The following SHISAL1 variants were observed in gnomAD, a reference collection of about 807,000 sequenced individuals.
The protein encoded by SHISAL1 is protein shisa-like-1.
SHISAL1 carries 9 observed loss-of-function variants against 22.6 expected under a neutral mutation model. That is an observed-to-expected ratio of 0.40 (90% CI 0.24 to 0.70). The LOEUF is 0.70. Among genes scored for constraint, SHISAL1 ranks in the 30% least tolerant of loss-of-function variants. The probability of loss-of-function intolerance (pLI) is 0.39; values close to 1 mark genes in which losing one functional copy is unlikely to be tolerated. For synonymous variants in SHISAL1, 119 were observed against 115.4 expected, an observed-to-expected ratio of 1.03 and a Z score of -0.20; for missense variants, 246 against 270.6, an observed-to-expected ratio of 0.91 and a Z score of 0.64.
intron 1 of SHISAL1, among the ~76,000 whole-genome samples, 150 bp downstream of exon 1, chr22:44,312,598 ATTC>A (rs1022007366): frequency 1.3e-5 from 2 of 151,576 alleles, no homozygotes; most frequent in Non-Finnish European, 2.9e-5. Flanking sequence ...GGCCCCTCCC[ATTC>A]TTCTGTGACT....
chr22:44,307,883 G>A (rs2055490533), intron 1 of SHISAL1, among the ~76,000 whole-genome samples: 1 of 152,186 alleles, frequency 6.6e-6, no homozygotes, highest in Admixed American at 6.5e-5. Flanking sequence ...TGGCCTGCGG[G>A]GAGGGGCTGA....
At chr22:44,301,163 C>T (rs2055426325) in intron 1 of SHISAL1, among the ~76,000 whole-genome samples, 186 bp from the exon 2 acceptor site, 1 of 152,216 alleles carries the variant, frequency 6.6e-6, no homozygotes, top group Non-Finnish European at 1.5e-5. Flanking sequence ...TGACCTTCCC[C>T]CACAAGCCAA....
At chr22:44,326,257 T>G in the SHISAL1 span, among the ~76,000 whole-genome samples, 11 of 152,286 alleles carry the variant, frequency 7.2e-5, 1 homozygote, top group South Asian at 1.9e-3. Context: ...GCCTTTATTT[T>G]TAATTTGTGC....
chr22:44,316,951 A>T (rs570773624), upstream of SHISAL1, among the ~76,000 whole-genome samples: 85 of 152,220 alleles, frequency 5.6e-4, no homozygotes, highest in Non-Finnish European at 1.0e-3. Context: ...CTGCTGTTTC[A>T]ACCAGAGACT....
rs2055235660 is a variant in SHISAL1, at chr22:44,275,765, G to A, written c.599+9663C>T. Among the ~76,000 whole-genome samples the A allele has an allele frequency of 2.6e-5, 4 of 152,190 alleles. No homozygotes were observed. In the South Asian group the frequency reaches 8.3e-4, roughly 32 times the overall value. ...GTCTCCTTCATAAAATGAGGCTCGG[G>A]ATGGCCAAGCTGCAGTGCAGCTGGG... On this transcript the variant is annotated intron_variant, in intron 4 of 4. Transcript: ENST00000381176.
In SHISAL1 at chr22:44,300,966, G is replaced by A. The variant is rs375627926; in HGVS notation, c.-21C>T. 355 of 1,611,542 alleles carry A rather than the reference G, an allele frequency of 2.2e-4. No homozygotes were observed. Among genetic ancestry groups the A allele is most frequent in the Non-Finnish European group, 2.9e-4 (347 of 1,178,036 alleles). On this transcript the variant is annotated 5_prime_UTR_variant, in exon 2 of 5. In the 5' UTR this introduces an upstream ATG that the reference lacks. Coordinates refer to ENST00000381176, the MANE Select transcript of SHISAL1 (RefSeq NM_001099294.2). ...GTCATCGTCTGGCTTGCATTGATCCGTCCAGAGCTGCCTGTTCAATGAGAG... is the reference window on the plus strand; with the variant it reads ...GTCATCGTCTGGCTTGCATTGATCCATCCAGAGCTGCCTGTTCAATGAGAG...
rs763696968 is a variant in SHISAL1, at chr22:44,249,646, A to G, written c.*39T>C. ...TCGGAGGCTGCACCGGGTGCTTCAG[A>G]TCTCATCTCCCCCATCCTGAGGCAC... On this transcript the variant is annotated 3_prime_UTR_variant, in exon 5 of 5. Coordinates refer to ENST00000381176, the MANE Select transcript of SHISAL1 (RefSeq NM_001099294.2). 22 of 779,656 alleles carry G rather than the reference A, an allele frequency of 2.8e-5. No individual in the cohort carries two copies. The Middle Eastern group carries it at 7.9e-4, about 28-fold the overall frequency. The allele number at this position is 779,656 out of a possible 1,614,324, so 48.3% of individuals were successfully genotyped here.
rs375680212 is a variant in SHISAL1 at position 44,244,580 on chromosome 22, T to A, written c.*5105A>T. Reference sequence around the variant, plus strand: ...TGTTGGCTTGGACTAGAAACTGGGGTGGTGGGGGGCAATGACACCTCCAAG... The same window carrying A: ...TGTTGGCTTGGACTAGAAACTGGGGAGGTGGGGGGCAATGACACCTCCAAG... On this transcript the variant is annotated 3_prime_UTR_variant, in exon 5 of 5. Coordinates refer to ENST00000381176, the MANE Select transcript of SHISAL1 (RefSeq NM_001099294.2). 1.3e-5 allele frequency: 2 copies of A among 152,066 alleles called. No homozygotes were observed. The highest frequency in any genetic ancestry group is 2.4e-5 in the African/African-American group (1 of 41,464). The allele number at this position is 152,066 out of a possible 1,614,324, so 9.4% of individuals were successfully genotyped here.
At chr22:44,291,260 AC>A (rs1295972969) in intron 3 of SHISAL1, among the ~76,000 whole-genome samples, 2 of 152,178 alleles carry the variant, frequency 1.3e-5, no homozygotes, top group African/African-American at 2.4e-5. Context: ...CCCAAGAAGG[AC>A]CCAGAGTATG....
rs1384918516 is a variant in SHISAL1, at chr22:44,244,210, T to C, written c.*5475A>G. 2.6e-5 allele frequency: 4 copies of C among 152,194 alleles called. No homozygotes were observed. Among genetic ancestry groups the C allele is most frequent in the Non-Finnish European group, 5.9e-5 (4 of 68,044 alleles). 9.4% of individuals were successfully genotyped at this position (152,194 alleles called of 1,614,324 possible). ...TCCAGCTGTGGCCAGGGTGGCCATA[T>C]CATCTATAGTTTTAGATCCTGTGCT... On this transcript the variant is annotated 3_prime_UTR_variant, in exon 5 of 5. Coordinates refer to ENST00000381176, the MANE Select transcript of SHISAL1 (RefSeq NM_001099294.2).
chr22:44,264,451 G>C (rs1219068592), intron 4 of SHISAL1, among the ~76,000 whole-genome samples: 1 of 152,152 alleles, frequency 6.6e-6, no homozygotes, highest in Non-Finnish European at 1.5e-5. Flanking sequence ...GAGCAGGTGT[G>C]GTGTGAGCTC....
intron 1 of SHISAL1, among the ~76,000 whole-genome samples, chr22:44,302,423 A>AT (rs397787699): frequency 1.3e-5 from 2 of 151,848 alleles, no homozygotes; most frequent in African/African-American, 2.4e-5. Flanking sequence ...ATAAAAAAAA[A>AT]TTTTTAATGT....
chr22:44,305,448 C>A (rs918485071), intron 1 of SHISAL1, among the ~76,000 whole-genome samples: 1 of 152,242 alleles, frequency 6.6e-6, no homozygotes, highest in Admixed American at 6.5e-5. Context: ...GGGTCCAGAG[C>A]TGGAGAGGCC....
At chr22:44,259,098 C>G (rs1245338217) in intron 4 of SHISAL1, among the ~76,000 whole-genome samples, 1 of 152,182 alleles carries the variant, frequency 6.6e-6, no homozygotes, top group Non-Finnish European at 1.5e-5. Flanking sequence ...CCTCACCCGC[C>G]CTGCTATGTT....
At chr22:44,262,666 C>G (rs749389621) in intron 4 of SHISAL1, among the ~76,000 whole-genome samples, 16 of 152,228 alleles carry the variant, frequency 1.1e-4, no homozygotes, top group Non-Finnish European at 5.9e-5. Flanking sequence ...GCCAGCCCCT[C>G]TCGTCTGGGG....
rs543972911 is a variant in SHISAL1 at position 44,258,873 on chromosome 22, G to A, written c.*-9188C>T. Among the ~76,000 whole-genome samples the A allele has an allele frequency of 2.6e-5, 4 of 152,284 alleles. No individual in the cohort carries two copies. The East Asian group carries it at 7.7e-4, about 29-fold the overall frequency. On this transcript the variant is annotated intron_variant, in intron 4 of 4. Coordinates refer to ENST00000381176, the MANE Select transcript of SHISAL1 (RefSeq NM_001099294.2). ...CACTCAATTAACATGTAAGAGTGGG[G>A]TGGATGGAGTAGGCGTGGAGGGTTG...
At chr22:44,257,079 G>A (rs187573089) in intron 4 of SHISAL1, among the ~76,000 whole-genome samples, 140 of 152,334 alleles carry the variant, frequency 9.2e-4, no homozygotes, top group Admixed American at 3.6e-3. Flanking sequence ...AGCGCCCGAC[G>A]CGTGTGCTGG....
chr22:44,292,968 C>T, intron 3 of SHISAL1, among the ~76,000 whole-genome samples: 1 of 152,210 alleles, frequency 6.6e-6, no homozygotes, highest in East Asian at 1.9e-4. Flanking sequence ...CATTTAAGGC[C>T]CTCCAGGGAC....
At chr22:44,316,748 C>T (rs904090168), upstream of SHISAL1, among the ~76,000 whole-genome samples, 4 of 152,162 alleles carry the variant, frequency 2.6e-5, no homozygotes, top group Admixed American at 6.5e-5. Flanking sequence ...AGAGGCTGCG[C>T]GCTAACCCAT....
Sources: gnomAD v4.1 joint callset for allele counts (sites outside exome capture counted in the v4.1 genomes callset) on GRCh38, gnomAD v4.1.1 for gene constraint, MANE v1.5 for transcripts, NCBI Gene and HGNC (gene_info 2026-07-23, HGNC 2026-07-21) for gene names.